The following PATJ variants were observed in gnomAD, a reference collection of about 807,000 sequenced individuals.
The protein encoded by PATJ is inaD-like protein.
In PATJ, 190 loss-of-function variants were observed where a neutral mutation model predicts 224.9. The ratio of observed to expected loss-of-function variants is 0.84; its 90% CI spans 0.75 to 0.95. The LOEUF is 0.95. Ranked by LOEUF, PATJ falls within the 40% of genes least tolerant of loss-of-function variation. PATJ has a pLI of 0.00. For missense variants in PATJ, 2,121 were observed against 2,270.3 expected (o/e 0.93, Z 1.34); for synonymous variants, 769 against 820.3 (o/e 0.94, Z 1.07).
At chr1:62,079,683 C>T (rs1658937067) in intron 32 of PATJ, 116 bp downstream of exon 32, 2 of 701,756 alleles carry the variant, frequency 2.8e-6, no homozygotes, top group Non-Finnish European at 5.1e-6. Context: ...TGGATACTTC[C>T]TCCGCTTCCT....
intron 33 of PATJ, among the ~76,000 whole-genome samples, chr1:62,088,938 C>A (rs551488091): frequency 6.6e-6 from 1 of 150,820 alleles, no homozygotes; most frequent in Non-Finnish European, 1.5e-5. Flanking sequence ...GCTTCCAAGG[C>A]GTGTTTCCAC....
At chr1:62,041,139 G>A (rs972509609) in intron 30 of PATJ, among the ~76,000 whole-genome samples, 2 of 152,192 alleles carry the variant, frequency 1.3e-5, no homozygotes, top group Admixed American at 6.5e-5. Flanking sequence ...AGGCTAGTTG[G>A]TATAGCTTGC....
chr1:62,127,106 A>G (rs1204608370), intron 39 of PATJ, among the ~76,000 whole-genome samples: 2 of 152,188 alleles, frequency 1.3e-5, no homozygotes, highest in Non-Finnish European at 2.9e-5. Context: ...TATGCGGGCC[A>G]TAGTAGACTA....
At chr1:61,846,828 G>A (rs547873162) in intron 17 of PATJ, among the ~76,000 whole-genome samples, 1 of 152,156 alleles carries the variant, frequency 6.6e-6, no homozygotes, top group Non-Finnish European at 1.5e-5. Context: ...CGAACTCCTT[G>A]TCTCAAGTGA....
At chr1:61,868,942 G>A (rs61772461) in intron 20 of PATJ, among the ~76,000 whole-genome samples, 20,976 of 151,944 alleles carry the variant, frequency 0.14, 1,687 homozygotes, top group East Asian at 0.27. Flanking sequence ...ACACATGAAC[G>A]CAACAAAAGA....
At chr1:62,122,653 C>T (rs1249764280) in intron 38 of PATJ, among the ~76,000 whole-genome samples, 3 of 151,648 alleles carry the variant, frequency 2.0e-5, no homozygotes, top group African/African-American at 7.3e-5. Context: ...GGTGAAACCC[C>T]GTCTCTACTA....
chr1:61,770,175 C>G (rs1447190317), intron 5 of PATJ, among the ~76,000 whole-genome samples: 1 of 152,202 alleles, frequency 6.6e-6, no homozygotes, highest in Non-Finnish European at 1.5e-5. Flanking sequence ...CTCCCCAACT[C>G]AGATTTCAAA....
At chr1:61,854,723 G>A (rs78948710) in intron 17 of PATJ, among the ~76,000 whole-genome samples, 2,439 of 152,300 alleles carry the variant, frequency 0.016, 47 homozygotes, top group South Asian at 0.067. Context: ...GAGATGTAAG[G>A]ATTAGATAAG....
At chr1:61,940,637 AC>A (rs1408562933) in intron 27 of PATJ, among the ~76,000 whole-genome samples, 1 of 150,952 alleles carries the variant, frequency 6.6e-6, no homozygotes, top group Non-Finnish European at 1.5e-5. Flanking sequence ...GATCACTTGA[AC>A]CCGGGAGGTG....
chr1:62,155,386 A>G (rs763324271), intron 43 of PATJ, among the ~76,000 whole-genome samples: 1 of 152,330 alleles, frequency 6.6e-6, no homozygotes, highest in African/African-American at 2.4e-5. Flanking sequence ...TGATGGCACC[A>G]GAACATACAG....
intron 18 of PATJ, among the ~76,000 whole-genome samples, chr1:61,860,931 G>A (rs543926233): frequency 1.1e-4 from 16 of 151,908 alleles, no homozygotes; most frequent in South Asian, 6.2e-4. Context: ...GATATGTAGC[G>A]TTTGGCAAAT....
intron 31 of PATJ, among the ~76,000 whole-genome samples, chr1:62,077,934 TTGAA>T (rs1658605575): frequency 6.6e-6 from 1 of 152,206 alleles, no homozygotes; most frequent in Non-Finnish European, 1.5e-5. Flanking sequence ...GTTCATGTGA[TTGAA>T]TGAATTTATG....
chr1:61,908,525 G>A (rs1374927167), intron 25 of PATJ, 43 bp downstream of exon 25: 5 of 1,217,266 alleles, frequency 4.1e-6, no homozygotes, highest in South Asian at 2.5e-5. Flanking sequence ...ACAACACTCT[G>A]TATACCTGCA....
At chr1:61,869,270 C>G (rs1665941882) in intron 20 of PATJ, among the ~76,000 whole-genome samples, 2 of 150,906 alleles carry the variant, frequency 1.3e-5, no homozygotes, top group Admixed American at 1.3e-4. Context: ...CTACGCCCGG[C>G]TAATTTTTTG....
intron 29 of PATJ, among the ~76,000 whole-genome samples, chr1:62,036,700 A>T (rs1650444082): frequency 1.3e-5 from 2 of 151,724 alleles, no homozygotes; most frequent in South Asian, 4.2e-4. Flanking sequence ...GGTGGGGTAT[A>T]AATTAAATAA....
chr1:61,856,213 C>T lies in PATJ; in HGVS notation c.2296C>T (p.His766Tyr). 6.2e-7 allele frequency: 1 copy of T among 1,614,012 alleles called. No individual in the cohort carries two copies. The highest frequency in any genetic ancestry group is 8.5e-7 in the Non-Finnish European group (1 of 1,179,864). ...ILKAVPPGLV[H>Y]LGICKPLVED... ...GAAAGCTGTGCCACCAGGCCTAGTA[C>T]ACCTTGGCATCTGTAAGCCTTTGGT... Residue 766 changes from histidine to tyrosine, a missense_variant, in exon 18 of 44, where the codon CAC becomes TAC. Coordinates refer to ENST00000642238, the MANE Select transcript of PATJ (RefSeq NM_001350145.3).
At chr1:61,862,225 C>T (rs1664726743) in intron 19 of PATJ, among the ~76,000 whole-genome samples, 1 of 151,940 alleles carries the variant, frequency 6.6e-6, no homozygotes, top group African/African-American at 2.4e-5. Context: ...TTGACAGACT[C>T]TCACTCTGTC....
rs369283996 is a variant in PATJ, at chr1:62,092,363, G to GAGCA, written c.4377+7718_4377+7721dup. Among the ~76,000 whole-genome samples, 540 of 151,482 alleles carry GAGCA rather than the reference G, an allele frequency of 3.6e-3. 3 individuals are homozygous for GAGCA. The highest frequency in any genetic ancestry group is 0.014 in the Middle Eastern group (4 of 292). ...CCACTACATTCCGGCCTGAGCAACAGAGCAAGACCTTGCCTGTTAAAAAAA... is the reference window on the plus strand; with the variant it reads ...CCACTACATTCCGGCCTGAGCAACAGAGCAAGCAAGACCTTGCCTGTTAAAAAAA... On this transcript the variant is annotated intron_variant, in intron 33 of 43. Coordinates refer to ENST00000642238, the MANE Select transcript of PATJ (RefSeq NM_001350145.3).
intron 31 of PATJ, among the ~76,000 whole-genome samples, chr1:62,062,649 C>T (rs528415900): frequency 3.0e-4 from 46 of 151,726 alleles, no homozygotes; most frequent in South Asian, 2.5e-3. Flanking sequence ...AGGCGCACCA[C>T]CACACTTGGC....
Sources: gnomAD v4.1 joint callset for allele counts (sites outside exome capture counted in the v4.1 genomes callset) on GRCh38, gnomAD v4.1.1 for gene constraint, MANE v1.5 for transcripts, NCBI Gene and HGNC (gene_info 2026-07-23, HGNC 2026-07-21) for gene names.